DST: variants seen among roughly 807,000 people sequenced by gnomAD.
The protein encoded by DST is bullous pemphigoid antigen.
In DST, 253 loss-of-function variants were observed where a neutral mutation model predicts 875.2. The ratio of observed to expected loss-of-function variants is 0.29; its 90% CI spans 0.26 to 0.32. The LOEUF (loss-of-function observed/expected upper bound fraction) is 0.32, where lower values mean the gene tolerates loss of function less well. Among genes scored for constraint, DST ranks in the 10% least tolerant of loss-of-function variants. DST has a pLI of 1.00. For synonymous variants in DST, 3,124 were observed against 3,197.1 expected (o/e 0.98, Z 0.77); for missense variants, 8,287 against 9,111.6 (o/e 0.91, Z 3.68).
chr6:56,856,841 G>T (rs1768120245), intron 3 of DST, among the ~76,000 whole-genome samples: 1 of 152,152 alleles, frequency 6.6e-6, no homozygotes, highest in Non-Finnish European at 1.5e-5. Flanking sequence ...CATAGAAGAT[G>T]CAGGCTGAGG....
intron 15 of DST, 57 bp from the exon 16 acceptor site, chr6:56,642,560 C>G: frequency 6.2e-7 from 1 of 1,608,446 alleles, no homozygotes; most frequent in Non-Finnish European, 8.5e-7. Context: ...AAGAGCTCAC[C>G]ATTCCTGAAA....
rs867506046 is a variant in DST, at chr6:56,944,555, A to G, written c.216+9230T>C. On this transcript the variant is annotated intron_variant, in intron 2 of 103. Transcript: ENST00000680361. ...GCTTTCTTAGTTGGAAATAACATGG[A>G]CAAAAACAATAATCCTAAAAGATCA... is the stretch of plus-strand genomic sequence containing the variant. Among the ~76,000 whole-genome samples, 3 of 152,188 alleles carry G rather than the reference A, an allele frequency of 2.0e-5. No individual in the cohort carries two copies. The South Asian group carries it at 6.2e-4, about 31-fold the overall frequency.
At chr6:56,654,515 A>G (rs2098993157) in intron 10 of DST, among the ~76,000 whole-genome samples, 1 of 151,256 alleles carries the variant, frequency 6.6e-6, no homozygotes, top group African/African-American at 2.5e-5. Context: ...TCATAATACA[A>G]AATAATTTTG....
Position 56,634,785 on chromosome 6 carries a change from T to C in DST, c.3339+16A>G. On this transcript the variant is annotated intron_variant, in intron 25 of 103. Coordinates refer to ENST00000680361, the MANE Select transcript of DST (RefSeq NM_001374736.1). ...ATAATGACAGAAACTGGTCTGTTTC[T>C]AGGAGTTACAAGTACCTCAATTTGT... 1.2e-6 allele frequency: 2 copies of C among 1,613,154 alleles called. No individual in the cohort carries two copies. The highest frequency in any genetic ancestry group is 2.7e-5 in the African/African-American group (2 of 75,056).
chr6:56,639,572 G>A lies in DST; in HGVS notation c.2737C>T (p.His913Tyr). The A allele has an allele frequency of 6.2e-7, 1 of 1,613,754 alleles. No individual in the cohort carries two copies. The highest frequency in any genetic ancestry group is 8.5e-7 in the Non-Finnish European group (1 of 1,179,862). The change falls in exon 21 of 104, where the codon CAT becomes TAT. Residue 913 changes from histidine to tyrosine, a missense_variant. Transcript: ENST00000680361. ...RNQERHLDTL[H>Y]NFVSRATNEL... ...TTAGTCGCACGACTTACAAAATTATGGAGTGTATCAAGGTGCCGTTCTTGA... is the reference window on the plus strand; with the variant it reads ...TTAGTCGCACGACTTACAAAATTATAGAGTGTATCAAGGTGCCGTTCTTGA...
At chr6:56,704,134 C>G (rs141100698) in intron 6 of DST, 146 bp downstream of exon 6, 228 of 454,316 alleles carry the variant, frequency 5.0e-4, no homozygotes, top group African/African-American at 4.3e-3. Flanking sequence ...GCTTAGGAAT[C>G]TAACCAAAAC....
intron 49 of DST, among the ~76,000 whole-genome samples, chr6:56,579,547 C>T (rs967113062): frequency 6.6e-5 from 10 of 152,028 alleles, no homozygotes; most frequent in Non-Finnish European, 4.4e-5. Flanking sequence ...TGAAAAAATG[C>T]TGCTGGAAGT....
At position 56,851,508 on chromosome 6, in the gene DST, C is replaced by G; in HGVS notation, c.514G>C (p.Ala172Pro). The change falls in exon 4 of 104, where the codon GCT becomes CCT. Residue 172 changes from alanine (A) to proline (P), a missense_variant. This residue lies in a region of DST where 1,160 missense variants were observed against 1,424.3 expected (regional missense o/e 0.81). Transcript: ENST00000680361. ...TTCCAGGGTAAGGTGTCTCCCGGAG[C>G]TGGGGATGCGGAGCCAGATTTCTGG... is the stretch of plus-strand genomic sequence containing the variant. Reference protein sequence around the residue: ...FSQKSGSASPAPGDTLPWNLP... With the variant: ...FSQKSGSASPPPGDTLPWNLP... 6.2e-7 allele frequency: 1 copy of G among 1,614,044 alleles called. No individual in the cohort carries two copies. The highest frequency in any genetic ancestry group is 8.5e-7 in the Non-Finnish European group (1 of 1,179,910).
chr6:56,488,288 T>C (rs1393101860), intron 86 of DST, among the ~76,000 whole-genome samples: 1 of 152,210 alleles, frequency 6.6e-6, no homozygotes, highest in Admixed American at 6.5e-5. Context: ...TAGATATTCT[T>C]ATTTATAGGA....
intron 55 of DST, among the ~76,000 whole-genome samples, chr6:56,567,168 C>T (rs565018953): frequency 6.6e-6 from 1 of 152,284 alleles, no homozygotes; most frequent in African/African-American, 2.4e-5. Context: ...AACAATCTAG[C>T]ATTGGTACTT....
intron 98 of DST, among the ~76,000 whole-genome samples, chr6:56,468,748 A>T (rs1334109703): frequency 6.6e-6 from 1 of 152,204 alleles, no homozygotes; most frequent in Non-Finnish European, 1.5e-5. Flanking sequence ...AAGCCAAGCT[A>T]CAATTCATTA....
intron 37 of DST, among the ~76,000 whole-genome samples, chr6:56,612,172 A>C (rs908391042): frequency 3.3e-5 from 5 of 152,318 alleles, no homozygotes; most frequent in Middle Eastern, 3.4e-3. Context: ...GGCGTTTGAG[A>C]CCAGCCTGAG....
At position 56,944,504 on chromosome 6, in the gene DST, A is replaced by G. The variant is rs192325455; in HGVS notation, c.216+9281T>C. ...TTTGTTTTTGTTGGAGGTGTATGAG[A>G]AAAGAGAGGAAAGAAATAGAAAGAG... On this transcript the variant is annotated intron_variant, in intron 2 of 103. Coordinates refer to ENST00000680361, the MANE Select transcript of DST (RefSeq NM_001374736.1). 1.3e-4 allele frequency among the ~76,000 whole-genome samples: 20 copies of G among 152,186 alleles called. No individual in the cohort carries two copies. The East Asian group carries it at 3.5e-3, about 26-fold the overall frequency.
At chr6:56,796,084 C>T (rs2099739272) in intron 4 of DST, among the ~76,000 whole-genome samples, 1 of 152,128 alleles carries the variant, frequency 6.6e-6, no homozygotes, top group South Asian at 2.1e-4. Context: ...CCCAGGGATA[C>T]GGGGCAACCA....
chr6:56,823,992 C>T (rs1209904185), intron 4 of DST, among the ~76,000 whole-genome samples: 2 of 152,092 alleles, frequency 1.3e-5, no homozygotes, highest in Admixed American at 1.3e-4. Context: ...ATATCCTCTG[C>T]CTCTGCCTCT....
chr6:56,692,729 C>T, intron 9 of DST: 1 of 1,289,684 alleles, frequency 7.8e-7, no homozygotes, highest in South Asian at 1.2e-5. Flanking sequence ...ATCCTTTCAT[C>T]CAGTTCACTA....
rs1310526560 is a variant in DST, at chr6:56,485,482, A to G, written c.21048-11T>C. 1.9e-6 allele frequency: 3 copies of G among 1,609,674 alleles called. No individual in the cohort carries two copies. Among genetic ancestry groups the G allele is most frequent in the East Asian group, 2.2e-5 (1 of 44,840 alleles). On this transcript the variant is annotated splice_polypyrimidine_tract_variant and intron_variant, in intron 87 of 103. Coordinates refer to ENST00000680361, the MANE Select transcript of DST (RefSeq NM_001374736.1). The stretch of plus-strand genomic sequence containing the variant: ...TCCAATTTGTTTTGTCTAGGGAAAA[A>G]GGTAGAAAAATTGATCCTTGCAACA...
rs374059299 is a variant in DST at position 56,606,574 on chromosome 6, G to A, written c.8054C>T (p.Ala2685Val). Reference protein sequence around the residue: ...PVGSLSVKNKAHCLQDFLMDV... With the variant: ...PVGSLSVKNKVHCLQDFLMDV... Reference sequence around the variant, plus strand: ...CATAAGGAAATCCTGAAGACAATGTGCTTTGTTCTTCACACTTAAGCTACC... The same window carrying A: ...CATAAGGAAATCCTGAAGACAATGTACTTTGTTCTTCACACTTAAGCTACC... The change falls in exon 40 of 104, where the codon GCA (alanine) becomes GTA (valine). Residue 2685 changes from alanine (A) to valine (V), a missense_variant. Ala to Val is a moderately conservative substitution (Grantham distance 64). Coordinates refer to ENST00000680361, the MANE Select transcript of DST (RefSeq NM_001374736.1). The A allele has an allele frequency of 5.6e-4, 898 of 1,613,372 alleles. 1 individual carries two copies. The highest frequency in any genetic ancestry group is 7.3e-4 in the Non-Finnish European group (861 of 1,179,578).
In DST at chr6:56,940,274, T is replaced by C. The variant is rs376445534; in HGVS notation, c.216+13511A>G. On this transcript the variant is annotated intron_variant, in intron 2 of 103. Coordinates refer to ENST00000680361, the MANE Select transcript of DST (RefSeq NM_001374736.1). ...TACACACACACATTTTTATGCAATATATTTTTATGGATATATATAAAAATA... is the reference window on the plus strand; with the variant it reads ...TACACACACACATTTTTATGCAATACATTTTTATGGATATATATAAAAATA... Among the ~76,000 whole-genome samples the C allele has an allele frequency of 2.4e-4, 36 of 151,902 alleles. No homozygotes were observed. The South Asian group carries it at 3.7e-3, about 16-fold the overall frequency.
Sources: allele counts gnomAD v4.1 joint callset (sites outside exome capture counted in the v4.1 genomes callset), GRCh38; gene constraint gnomAD v4.1.1; regional missense constraint gnomAD v4.1.1; transcripts MANE v1.5; gene names NCBI Gene and HGNC (gene_info 2026-07-23, HGNC 2026-07-21).